The following GRIA1 variants were observed in gnomAD, a reference collection of about 807,000 sequenced individuals.
GRIA1 encodes the protein glutamate receptor 1.
Under a neutral mutation model 99.2 loss-of-function variants are expected in GRIA1, and 31 were observed. The observed-to-expected ratio is 0.31, with a 90% CI of 0.23 to 0.42. The LOEUF (loss-of-function observed/expected upper bound fraction) is 0.42. Ranked by LOEUF, GRIA1 falls within the 10% of genes least tolerant of loss-of-function variation. The pLI is 1.00. For synonymous variants in GRIA1, 438 were observed against 432.4 expected (o/e 1.01, Z -0.16); for missense variants, 782 against 1,157.5 (o/e 0.68, Z 4.71).
chr5:153,590,426 A>T (rs62384383), intron 2 of GRIA1, among the ~76,000 whole-genome samples: 55,260 of 151,804 alleles, frequency 0.36, 13,035 homozygotes, highest in Non-Finnish European at 0.53. Context: ...AAATGGAAAA[A>T]TCAAGACTGA....
At chr5:153,629,428 G>A (rs966852300) in intron 2 of GRIA1, among the ~76,000 whole-genome samples, 4 of 152,206 alleles carry the variant, frequency 2.6e-5, no homozygotes, top group African/African-American at 7.2e-5. Flanking sequence ...GGTGGGAAAC[G>A]TCTGTGATGA....
intron 2 of GRIA1, among the ~76,000 whole-genome samples, chr5:153,613,335 A>AT (rs1160858065): frequency 3.3e-5 from 5 of 152,014 alleles, no homozygotes; most frequent in Non-Finnish European, 7.4e-5. Flanking sequence ...TTGATGCAGC[A>AT]TTTTTTCCCC....
chr5:153,778,546 T>A (rs1180194689), intron 13 of GRIA1, among the ~76,000 whole-genome samples: 2 of 152,030 alleles, frequency 1.3e-5, no homozygotes, highest in Non-Finnish European at 2.9e-5. Flanking sequence ...TCCAGACCTC[T>A]TCTCACCCAT....
chr5:153,549,152 G>C (rs1218879039), intron 2 of GRIA1, among the ~76,000 whole-genome samples: 1 of 152,108 alleles, frequency 6.6e-6, no homozygotes, highest in African/African-American at 2.4e-5. Flanking sequence ...TTTCAACCAG[G>C]TTAAAACCTG....
At chr5:153,711,225 A>G (rs906391492) in intron 11 of GRIA1, among the ~76,000 whole-genome samples, 8 of 152,212 alleles carry the variant, frequency 5.3e-5, no homozygotes, top group Admixed American at 3.3e-4. Flanking sequence ...ATTGATTTGC[A>G]TGCTAAAATA....
At chr5:153,808,430 T>C (rs1766589067) in intron 15 of GRIA1, among the ~76,000 whole-genome samples, 2 of 151,984 alleles carry the variant, frequency 1.3e-5, no homozygotes, top group South Asian at 4.2e-4. Context: ...ATTTAGAAGG[T>C]CATTCATCTT....
At chr5:153,576,926 TTGGATGGATGGATGGATGGATGGA>T (rs574916178) in intron 2 of GRIA1, among the ~76,000 whole-genome samples, 95 of 129,554 alleles carry the variant, frequency 7.3e-4, no homozygotes, top group African/African-American at 2.4e-3. Flanking sequence ...TCAATAAATA[TTGGATGGATGGATGGATGGATGGA>T]TGGATGGATG....
chr5:153,609,726 C>A (rs1161684752), intron 2 of GRIA1, among the ~76,000 whole-genome samples: 1 of 151,872 alleles, frequency 6.6e-6, no homozygotes, highest in Admixed American at 6.6e-5. Flanking sequence ...CCACACCCAG[C>A]TAATTTTTGT....
chr5:153,812,880 A>C lies in GRIA1; in HGVS notation c.*1655A>C, dbSNP rs1213153351. ...TGCGTGCCATGTGTCATTAGCTTTTACTGATAACCATATTCTGGCTTGTTC... is the reference window on the plus strand; with the variant it reads ...TGCGTGCCATGTGTCATTAGCTTTTCCTGATAACCATATTCTGGCTTGTTC... On this transcript the variant is annotated 3_prime_UTR_variant, in exon 16 of 16. Coordinates refer to ENST00000285900, the MANE Select transcript of GRIA1 (RefSeq NM_000827.4). The C allele has an allele frequency of 6.6e-6, 1 of 152,148 alleles. No homozygotes were observed. Among genetic ancestry groups the C allele is most frequent in the Non-Finnish European group, 1.5e-5 (1 of 68,048 alleles). 9.4% of individuals were successfully genotyped at this position (152,148 alleles called of 1,614,324 possible). A position where few individuals can be genotyped will look rare whatever the true frequency, so the allele number is the denominator to read the frequency against.
At chr5:153,570,236 C>T (rs1268418355) in intron 2 of GRIA1, among the ~76,000 whole-genome samples, 2 of 152,132 alleles carry the variant, frequency 1.3e-5, no homozygotes, top group African/African-American at 4.8e-5. Context: ...GCAAAGTTAT[C>T]CCTTTGGCAA....
chr5:153,786,268 G>T (rs1764957244), intron 13 of GRIA1, among the ~76,000 whole-genome samples: 1 of 151,930 alleles, frequency 6.6e-6, no homozygotes, highest in South Asian at 2.1e-4. Context: ...TCTGTCAGCT[G>T]TTCTAACCTC....
intron 2 of GRIA1, among the ~76,000 whole-genome samples, chr5:153,552,124 C>A (rs1294640393): frequency 6.6e-6 from 1 of 151,578 alleles, no homozygotes; most frequent in Non-Finnish European, 1.5e-5. Context: ...GGATTGCATC[C>A]AGTGATTTTA....
In GRIA1 at chr5:153,756,476, A is replaced by G. The variant is rs531230927; in HGVS notation, c.1824-7958A>G. Among the ~76,000 whole-genome samples, 3 of 152,294 alleles carry G rather than the reference A, an allele frequency of 2.0e-5. No individual in the cohort carries two copies. The East Asian group carries it at 5.8e-4, about 29-fold the overall frequency. ...GCTGGGAAGCATACATGTCTGCAACACTGTAGGCAGGGTTGCCAACATCTG... is the reference window on the plus strand; with the variant it reads ...GCTGGGAAGCATACATGTCTGCAACGCTGTAGGCAGGGTTGCCAACATCTG... On this transcript the variant is annotated intron_variant, in intron 11 of 15. Transcript: ENST00000285900.
rs112362015 is a variant in GRIA1, at chr5:153,794,803, T to C, written c.2385+68T>C. The C allele has an allele frequency of 1.6e-3, 1,411 of 880,760 alleles. 14 individuals are homozygous for C. The African/African-American group carries it at 0.021, about 13-fold the overall frequency. The allele number at this position is 880,760 out of a possible 1,614,324, so 54.6% of individuals were successfully genotyped here. ...TAGCATGGCTGGTAACCAGCAACTGTTCTCCCAATACCTATCCTGCTTCCT... is the reference window on the plus strand; with the variant it reads ...TAGCATGGCTGGTAACCAGCAACTGCTCTCCCAATACCTATCCTGCTTCCT... On this transcript the variant is annotated intron_variant, in intron 14 of 15. Coordinates refer to ENST00000285900, the MANE Select transcript of GRIA1 (RefSeq NM_000827.4).
At chr5:153,674,713 C>A (rs749162628) in intron 6 of GRIA1, 52 bp downstream of exon 6, 77 of 1,563,714 alleles carry the variant, frequency 4.9e-5, no homozygotes, top group Non-Finnish European at 3.4e-5. Context: ...CCTTTGCCTG[C>A]CCCAGATTTC....
intron 11 of GRIA1, among the ~76,000 whole-genome samples, chr5:153,708,760 A>G (rs1759099567): frequency 6.6e-6 from 1 of 152,204 alleles, no homozygotes; most frequent in Admixed American, 6.5e-5. Flanking sequence ...AACAAAGCAG[A>G]AATAGCCAGT....
At chr5:153,611,191 G>C (rs1765951221) in intron 2 of GRIA1, among the ~76,000 whole-genome samples, 1 of 152,184 alleles carries the variant, frequency 6.6e-6, no homozygotes, top group African/African-American at 2.4e-5. Flanking sequence ...ACTGAACTAT[G>C]ATGACCTGGT....
At chr5:153,758,573 A>G (rs1762977514) in intron 11 of GRIA1, among the ~76,000 whole-genome samples, 1 of 152,122 alleles carries the variant, frequency 6.6e-6, no homozygotes, top group Admixed American at 6.5e-5. Context: ...AGCAAATATT[A>G]ATAGACTTAA....
At chr5:153,751,139 G>A (rs576923386) in intron 11 of GRIA1, among the ~76,000 whole-genome samples, 15 of 152,272 alleles carry the variant, frequency 9.9e-5, no homozygotes, top group Admixed American at 7.2e-4. Context: ...GAGATGTAGC[G>A]ATTTGCCCAA....
Sources: allele counts gnomAD v4.1 joint callset (sites outside exome capture counted in the v4.1 genomes callset), GRCh38; gene constraint gnomAD v4.1.1; transcripts MANE v1.5; gene names NCBI Gene and HGNC (gene_info 2026-07-23, HGNC 2026-07-21).